Variants in SDHAF2 observed in about 807,000 individuals in gnomAD.
SDHAF2 encodes succinate dehydrogenase assembly factor 2, mitochondrial.
In SDHAF2, 21 loss-of-function variants were observed where a neutral mutation model predicts 18.5. The ratio of observed to expected loss-of-function variants is 1.13; its 90% CI spans 0.80 to 1.63. The LOEUF is 1.63. Ranked by LOEUF, SDHAF2 falls within the 40% of genes most tolerant of loss-of-function variation. The pLI, the probability that SDHAF2 is intolerant of heterozygous loss-of-function variation, is 0.00. For missense variants in SDHAF2, 195 were observed against 200.3 expected (o/e 0.97, Z 0.16); for synonymous variants, 84 against 70.7 (o/e 1.19, Z -0.94).
Position 61,443,770 on chromosome 11 carries a change from C to A in SDHAF2, c.371-2171C>A, listed in dbSNP as rs1044493283. The stretch of plus-strand genomic sequence containing the variant: ...GAGACTACAATCACGTGCCACCACA[C>A]CTGGCTAATTTTTTTTTTTTTTGAG... On this transcript the variant is annotated intron_variant, in intron 3 of 3. Transcript: ENST00000301761. 2.0e-5 allele frequency among the ~76,000 whole-genome samples: 3 copies of A among 152,092 alleles called. No individual in the cohort carries two copies. In the East Asian group the frequency reaches 5.8e-4, roughly 29 times the overall value.
chr11:61,439,795 G>A (rs1862040922), intron 3 of SDHAF2, among the ~76,000 whole-genome samples: 1 of 152,194 alleles, frequency 6.6e-6, no homozygotes, highest in African/African-American at 2.4e-5. Context: ...CTTTTGTGTT[G>A]AGTAATATTC....
At chr11:61,440,637 T>C (rs761649135) in intron 3 of SDHAF2, among the ~76,000 whole-genome samples, 21 of 152,250 alleles carry the variant, frequency 1.4e-4, no homozygotes, top group South Asian at 8.3e-4. Flanking sequence ...ACATTTTTTC[T>C]GTAATAGGTA....
intron 3 of SDHAF2, among the ~76,000 whole-genome samples, chr11:61,442,390 G>A (rs958862806): frequency 2.6e-5 from 4 of 152,150 alleles, no homozygotes; most frequent in African/African-American, 7.2e-5. Flanking sequence ...TCCCTCCGGT[G>A]TTACCATGTG....
chr11:61,437,486 G>A (rs192119025), intron 1 of SDHAF2, 139 bp from the exon 2 acceptor site: 152 of 818,826 alleles, frequency 1.9e-4, no homozygotes, highest in Non-Finnish European at 2.7e-4. Flanking sequence ...ACAGGTGTGC[G>A]CCACCACGCC....
At chr11:61,440,998 T>C (rs1189991330) in intron 3 of SDHAF2, among the ~76,000 whole-genome samples, 2 of 152,044 alleles carry the variant, frequency 1.3e-5, no homozygotes, top group Non-Finnish European at 1.5e-5. Flanking sequence ...GCCAGGAGTT[T>C]GGGACCAGCC....
rs542625445 is a variant in SDHAF2, at chr11:61,446,682, G to A, written c.*611G>A. The A allele has an allele frequency of 1.2e-4, 46 of 399,562 alleles. No homozygotes were observed. Among genetic ancestry groups the A allele is most frequent in the Non-Finnish European group, 1.5e-4 (33 of 226,864 alleles). The allele number at this position is 399,562 out of a possible 1,614,324, so 24.8% of individuals were successfully genotyped here. A position where few individuals can be genotyped will look rare whatever the true frequency, so the allele number is the denominator to read the frequency against. On this transcript the variant is annotated 3_prime_UTR_variant, in exon 4 of 4. Coordinates refer to ENST00000301761, the MANE Select transcript of SDHAF2 (RefSeq NM_017841.4). ...TTCATCATTGGGCTTTCTTTAAAACGTGCACTTTGTAATTTGAAAGAGAAT... is the reference window on the plus strand; with the variant it reads ...TTCATCATTGGGCTTTCTTTAAAACATGCACTTTGTAATTTGAAAGAGAAT...
intron 3 of SDHAF2, among the ~76,000 whole-genome samples, chr11:61,445,177 A>G (rs72914210): frequency 6.6e-6 from 1 of 152,174 alleles, no homozygotes; most frequent in South Asian, 2.1e-4. Flanking sequence ...ATTCTGGAGC[A>G]CATTGCCTCG....
At chr11:61,439,764 T>C (rs1862040442) in intron 3 of SDHAF2, among the ~76,000 whole-genome samples, 1 of 152,254 alleles carries the variant, frequency 6.6e-6, no homozygotes, top group African/African-American at 2.4e-5. Context: ...TCCTTGTTGT[T>C]ACTTGTATCA....
intron 2 of SDHAF2, 64 bp from the exon 3 acceptor site, chr11:61,437,940 C>T: frequency 6.4e-7 from 1 of 1,567,970 alleles, no homozygotes; most frequent in Non-Finnish European, 8.8e-7. Flanking sequence ...GTCTTGGTGT[C>T]ACTTCTCTTT....
intron 1 of SDHAF2, chr11:61,435,426 A>G (rs1190758316): frequency 2.6e-5 from 4 of 152,126 alleles, no homozygotes; most frequent in African/African-American, 9.7e-5. Flanking sequence ...CGTTCCTTTA[A>G]TAGGACCATG....
In SDHAF2 at chr11:61,437,804, T is replaced by C. The variant is rs778397152; in HGVS notation, c.216T>C (p.Tyr72=). The C allele has an allele frequency of 6.2e-7, 1 of 1,614,014 alleles. No homozygotes were observed. The highest frequency in any genetic ancestry group is 8.5e-7 in the Non-Finnish European group (1 of 1,179,990). The change falls in exon 2 of 4, where the codon TAT becomes TAC. Residue 72 remains tyrosine (Y), a synonymous_variant. Transcript: ENST00000301761. ...AAACCAAAAGAGCCCGCCTGCTCTA[T>C]GAGAGCAGAAAGAGGGGAATGTTGG... ...SIETKRARLL[Y]ESRKRGMLEN...
intron 3 of SDHAF2, 121 bp downstream of exon 3, chr11:61,438,234 TC>T: frequency 1.3e-6 from 1 of 791,670 alleles, no homozygotes; most frequent in Non-Finnish European, 2.1e-6. Flanking sequence ...AGTTTCACTC[TC>T]GTTGCCCAGG....
chr11:61,430,284 T>A, intron 1 of SDHAF2, 102 bp downstream of exon 1: 1 of 1,479,776 alleles, frequency 6.8e-7, no homozygotes. Context: ...GTCTGCCCGA[T>A]AGCGCAGGGC....
intron 3 of SDHAF2, among the ~76,000 whole-genome samples, chr11:61,440,515 C>T (rs983978109): frequency 2.0e-5 from 3 of 151,994 alleles, no homozygotes; most frequent in Non-Finnish European, 4.4e-5. Context: ...TCAGGAGAAT[C>T]GCTTAAACCT....
At chr11:61,436,354 C>T (rs977346773) in intron 1 of SDHAF2, among the ~76,000 whole-genome samples, 8 of 152,142 alleles carry the variant, frequency 5.3e-5, no homozygotes, top group Admixed American at 3.9e-4. Flanking sequence ...ACCTGTTTCC[C>T]TCCCTAGGGA....
At chr11:61,433,485 A>G (rs1411238185) in intron 1 of SDHAF2, 1 of 152,238 alleles carries the variant, frequency 6.6e-6, no homozygotes, top group Non-Finnish European at 1.5e-5. Context: ...AGACATCCCA[A>G]TTATTAGAAC....
chr11:61,437,794 G>A lies in SDHAF2; in HGVS notation c.206G>A (p.Arg69His), dbSNP rs753474292. Reference sequence around the variant, plus strand: ...GAATCCATAGAAACCAAAAGAGCCCGCCTGCTCTATGAGAGCAGAAAGAGG... The same window carrying A: ...GAATCCATAGAAACCAAAAGAGCCCACCTGCTCTATGAGAGCAGAAAGAGG... ...TDESIETKRA[R>H]LLYESRKRGM... The change falls in exon 2 of 4, where the codon CGC (arginine) becomes CAC (histidine). Residue 69 changes from arginine (R) to histidine (H), a missense_variant. Arg to His is a conservative substitution (Grantham distance 29). Coordinates refer to ENST00000301761, the MANE Select transcript of SDHAF2 (RefSeq NM_017841.4). 7.4e-6 allele frequency: 12 copies of A among 1,613,952 alleles called. No individual in the cohort carries two copies. In the Admixed American group the frequency reaches 1.0e-4, roughly 13 times the overall value.
chr11:61,432,657 T>C (rs1288880137), intron 1 of SDHAF2: 2 of 151,232 alleles, frequency 1.3e-5, no homozygotes, highest in African/African-American at 2.4e-5. Flanking sequence ...TTTTTGCTCC[T>C]CTTTTCCACT....
At chr11:61,433,200 GGCTAATGTTTT>G (rs1256821049) in intron 1 of SDHAF2, 1 of 152,048 alleles carries the variant, frequency 6.6e-6, no homozygotes, top group Non-Finnish European at 1.5e-5. Context: ...CACCATGCCT[GGCTAATGTTTT>G]GTATTTTTAG....
Sources: gnomAD v4.1 joint callset for allele counts (sites outside exome capture counted in the v4.1 genomes callset) on GRCh38, gnomAD v4.1.1 for gene constraint, MANE v1.5 for transcripts, NCBI Gene and HGNC (gene_info 2026-07-23, HGNC 2026-07-21) for gene names.